The following ARID1B variants were observed in gnomAD, a reference collection of about 807,000 sequenced individuals.
The protein encoded by ARID1B is AT-rich interaction domain 1B, also known as AT-rich interactive domain-containing protein 1B.
A neutral mutation model predicts 212.3 loss-of-function variants in ARID1B; 30 were observed. The observed-to-expected ratio is 0.14, with a 90% CI of 0.11 to 0.19. ARID1B has a LOEUF of 0.19. ARID1B is among the 10% of genes least tolerant of loss of function. The pLI is 1.00. For synonymous variants in ARID1B, 1,402 were observed against 1,301.7 expected, an observed-to-expected ratio of 1.08 and a Z score of -1.66; for missense variants, 2,891 against 3,204.0, an observed-to-expected ratio of 0.90 and a Z score of 2.36.
chr6:157,077,420 C>T lies in ARID1B; in HGVS notation c.2248-7242C>T, dbSNP rs114732469. On this transcript the variant is annotated intron_variant, in intron 4 of 19. Coordinates refer to ENST00000636930, the MANE Select transcript of ARID1B (RefSeq NM_001374828.1). ...CTTGGCATAAGCACGTGAGGCCATG[C>T]GCAGCCTGCCTCTGCCAGGCTCCGG... is the stretch of plus-strand genomic sequence containing the variant. Among the ~76,000 whole-genome samples the T allele has an allele frequency of 3.4e-3, 524 of 152,264 alleles. 1 individual carries two copies. Among genetic ancestry groups the T allele is most frequent in the African/African-American group, 0.012 (499 of 41,548 alleles).
chr6:156,912,254 CTT>C (rs34051264), intron 3 of ARID1B, among the ~76,000 whole-genome samples: 1,610 of 126,588 alleles, frequency 0.013, 19 homozygotes, highest in African/African-American at 0.03. Flanking sequence ...AATCAAACCT[CTT>C]TTTTTTTTTT....
chr6:156,921,083 C>T (rs1251098462), intron 3 of ARID1B, among the ~76,000 whole-genome samples: 2 of 152,050 alleles, frequency 1.3e-5, no homozygotes, highest in Non-Finnish European at 2.9e-5. Context: ...TTTGGTGTAT[C>T]TTCCTTGCTT....
At chr6:156,840,925 G>A (rs1289102456) in intron 2 of ARID1B, among the ~76,000 whole-genome samples, 1 of 152,180 alleles carries the variant, frequency 6.6e-6, no homozygotes, top group African/African-American at 2.4e-5. Flanking sequence ...GTCTGGAGAA[G>A]GTTGAGTTGG....
chr6:156,897,441 T>G (rs1788572152), intron 2 of ARID1B, among the ~76,000 whole-genome samples: 1 of 151,464 alleles, frequency 6.6e-6, no homozygotes, highest in Non-Finnish European at 1.5e-5. Flanking sequence ...GCCTGGCTAA[T>G]TTTTGTATTT....
At chr6:157,165,579 A>T (rs571689528) in intron 8 of ARID1B, among the ~76,000 whole-genome samples, 21 of 152,330 alleles carry the variant, frequency 1.4e-4, no homozygotes, top group African/African-American at 5.1e-4. Context: ...TTTATGGACC[A>T]GACATGGTGG....
At chr6:157,008,691 G>A (rs936302912) in intron 4 of ARID1B, among the ~76,000 whole-genome samples, 1 of 152,052 alleles carries the variant, frequency 6.6e-6, no homozygotes, top group Non-Finnish European at 1.5e-5. Context: ...ACCAAGCATG[G>A]CTCACTTAGC....
chr6:157,120,077 G>A (rs1787601460), intron 6 of ARID1B, among the ~76,000 whole-genome samples: 1 of 152,224 alleles, frequency 6.6e-6, no homozygotes, highest in Admixed American at 6.5e-5. Flanking sequence ...CCTCAGGTGA[G>A]ACCTGGGTCG....
At chr6:157,189,867 TG>T in intron 14 of ARID1B, 87 bp downstream of exon 14, 1 of 1,592,988 alleles carries the variant, frequency 6.3e-7, no homozygotes, top group Non-Finnish European at 8.6e-7. Flanking sequence ...AGAGAAGAAA[TG>T]GTATTCCCTA....
chr6:156,786,679 G>T (rs1779653999), intron 1 of ARID1B, among the ~76,000 whole-genome samples: 1 of 152,122 alleles, frequency 6.6e-6, no homozygotes, highest in African/African-American at 2.4e-5. Flanking sequence ...ATGCAGTGAG[G>T]TATATGTTAG....
intron 2 of ARID1B, among the ~76,000 whole-genome samples, chr6:156,832,952 G>A (rs1274504648): frequency 7.9e-5 from 12 of 152,150 alleles, no homozygotes; most frequent in Non-Finnish European, 1.0e-4. Context: ...TCACTTGCCA[G>A]TTCTCCCACA....
rs138847953 is a variant in ARID1B, at chr6:156,841,118, G to T, written c.1986+11697G>T. Among the ~76,000 whole-genome samples the T allele has an allele frequency of 7.4e-3, 1,123 of 152,316 alleles. 10 individuals are homozygous for T. Among genetic ancestry groups the T allele is most frequent in the Non-Finnish European group, 9.0e-3 (612 of 68,032 alleles). On this transcript the variant is annotated intron_variant, in intron 2 of 19. Transcript: ENST00000636930. Reference sequence around the variant, plus strand: ...ACATGTGGTGGAAGAACAGGGCCTGGAAGATGGGCTTTGAGCCTCTGTAGT... The same window carrying T: ...ACATGTGGTGGAAGAACAGGGCCTGTAAGATGGGCTTTGAGCCTCTGTAGT...
chr6:157,122,392 A>C (rs1396896510), intron 6 of ARID1B, among the ~76,000 whole-genome samples: 1 of 152,256 alleles, frequency 6.6e-6, no homozygotes, highest in East Asian at 1.9e-4. Flanking sequence ...GAATGACTCC[A>C]GGGAATATCT....
At chr6:157,192,451 G>A (rs912446195) in intron 15 of ARID1B, among the ~76,000 whole-genome samples, 91 of 152,258 alleles carry the variant, frequency 6.0e-4, no homozygotes, top group African/African-American at 2.1e-3. Context: ...GTAGATATAT[G>A]CAGATACTTC....
Position 156,779,620 on chromosome 6 carries a change from C to T in ARID1B, c.1791+149C>T, listed in dbSNP as rs1159396405. 4.8e-6 allele frequency: 4 copies of T among 836,522 alleles called. No individual in the cohort carries two copies. The East Asian group carries it at 1.6e-4, about 34-fold the overall frequency. The allele number at this position is 836,522 out of a possible 1,614,324, so 51.8% of individuals were successfully genotyped here. On this transcript the variant is annotated intron_variant, in intron 1 of 19. Transcript: ENST00000636930. ...CAAAGCCATCTTGACGGGCGGCCGC[C>T]TCCCGCCGCGGTCGGGGCGCCCCGG...
chr6:157,108,802 C>T (rs531111525), intron 5 of ARID1B, among the ~76,000 whole-genome samples: 3 of 152,182 alleles, frequency 2.0e-5, no homozygotes, highest in East Asian at 1.9e-4. Flanking sequence ...TCTTTTATCC[C>T]GACTAGTTAT....
chr6:157,170,801 C>T (rs919615896), intron 9 of ARID1B, among the ~76,000 whole-genome samples: 1 of 152,170 alleles, frequency 6.6e-6, no homozygotes, highest in Non-Finnish European at 1.5e-5. Flanking sequence ...CAGGGCCTTG[C>T]GTATCCAATG....
At chr6:156,887,677 C>G (rs371517304) in intron 2 of ARID1B, among the ~76,000 whole-genome samples, 10 of 152,160 alleles carry the variant, frequency 6.6e-5, no homozygotes, top group African/African-American at 1.9e-4. Context: ...GAGCACCCAC[C>G]CTCCTGCACC....
At chr6:157,036,018 G>C (rs1432039133) in intron 4 of ARID1B, among the ~76,000 whole-genome samples, 1 of 152,156 alleles carries the variant, frequency 6.6e-6, no homozygotes, top group African/African-American at 2.4e-5. Context: ...AACTGACAGT[G>C]AAGCCTGTTA....
rs587779747 is a variant in ARID1B at position 156,778,847 on chromosome 6, G to GGGCGGC, written c.1188_1193dup (p.Gly401_Gly402dup). 562 of 1,403,494 alleles carry GGGCGGC rather than the reference G, an allele frequency of 4.0e-4. No homozygotes were observed. Among genetic ancestry groups the GGGCGGC allele is most frequent in the Middle Eastern group, 1.3e-3 (7 of 5,324 alleles). The allele number at this position is 1,403,494 out of a possible 1,614,324, so 86.9% of individuals were successfully genotyped here. ...ATCCGGGCTACAGCCGGCCCGGCGC[G>GGGCGGC]GGCGGCGGCGGCGGCGGCGGCGGCG... On this transcript the variant is annotated inframe_insertion, in exon 1 of 20. Coordinates refer to ENST00000636930, the MANE Select transcript of ARID1B (RefSeq NM_001374828.1).
Sources: gnomAD v4.1 joint callset for allele counts (sites outside exome capture counted in the v4.1 genomes callset) on GRCh38, gnomAD v4.1.1 for gene constraint, MANE v1.5 for transcripts, NCBI Gene and HGNC (gene_info 2026-07-23, HGNC 2026-07-21) for gene names.